LRRC4C: variants seen among roughly 807,000 people sequenced by gnomAD.
The protein encoded by LRRC4C is leucine rich repeat containing 4C, also known as leucine-rich repeat-containing protein 4C.
LRRC4C carries 5 observed loss-of-function variants against 33.6 expected under a neutral mutation model. That is an observed-to-expected ratio of 0.15 (90% CI 0.08 to 0.31). The LOEUF is 0.31. LRRC4C is among the 10% of genes least tolerant of loss of function. LRRC4C has a pLI of 1.00. For missense variants in LRRC4C, 560 were observed against 796.7 expected (o/e 0.70, Z 3.58); for synonymous variants, 329 against 302.0 (o/e 1.09, Z -0.93).
intron 1 of LRRC4C, among the ~76,000 whole-genome samples, chr11:41,010,814 ATCC>A (rs386752864): frequency 0.027 from 4,062 of 152,262 alleles, 45 homozygotes; most frequent in Middle Eastern, 0.044. Flanking sequence ...CTGTGCAGGA[ATCC>A]AGTGAACATA....
At chr11:41,111,245 C>T (rs921566723) in intron 1 of LRRC4C, among the ~76,000 whole-genome samples, 5 of 152,114 alleles carry the variant, frequency 3.3e-5, no homozygotes, top group African/African-American at 1.2e-4. Flanking sequence ...CCCCTACATA[C>T]TCTTTACAAC....
At chr11:40,664,156 T>A (rs1231607981) in intron 2 of LRRC4C, among the ~76,000 whole-genome samples, 1 of 152,214 alleles carries the variant, frequency 6.6e-6, no homozygotes, top group Non-Finnish European at 1.5e-5. Flanking sequence ...ATGAGTAGTG[T>A]ATAATTCAAC....
chr11:41,403,883 A>G (rs1226758784), intron 1 of LRRC4C, among the ~76,000 whole-genome samples: 4 of 152,098 alleles, frequency 2.6e-5, no homozygotes, highest in Non-Finnish European at 1.5e-5. Context: ...CTGTTCCTAC[A>G]GTGGAACTTG....
At chr11:40,526,900 A>T (rs2135275597) in intron 3 of LRRC4C, among the ~76,000 whole-genome samples, 1 of 152,296 alleles carries the variant, frequency 6.6e-6, no homozygotes, top group South Asian at 2.1e-4. Context: ...TGCAAGAATA[A>T]ACAGGTAGAT....
intron 3 of LRRC4C, among the ~76,000 whole-genome samples, chr11:40,339,480 T>C (rs549622712): frequency 6.6e-6 from 1 of 152,348 alleles, no homozygotes; most frequent in African/African-American, 2.4e-5. Context: ...GTGCACTATT[T>C]CAGAATATAA....
chr11:40,573,125 C>G (rs925634339), intron 3 of LRRC4C, among the ~76,000 whole-genome samples: 4 of 152,114 alleles, frequency 2.6e-5, no homozygotes, highest in African/African-American at 7.2e-5. Context: ...TAGCACTTTG[C>G]TACTTTTTAG....
chr11:41,366,088 T>C (rs565069485), intron 1 of LRRC4C, among the ~76,000 whole-genome samples: 1 of 152,224 alleles, frequency 6.6e-6, no homozygotes, highest in East Asian at 1.9e-4. Context: ...ATTTGTGCCT[T>C]CAAACTAGCT....
At chr11:40,665,367 TA>T (rs1340103979) in intron 2 of LRRC4C, among the ~76,000 whole-genome samples, 2 of 33,004 alleles carry the variant, frequency 6.1e-5, no homozygotes, top group Non-Finnish European at 8.1e-5. Context: ...TATATATGTA[TA>T]TATATATATA....
intron 1 of LRRC4C, among the ~76,000 whole-genome samples, chr11:40,996,370 T>C (rs1037845419): frequency 6.6e-6 from 1 of 151,920 alleles, no homozygotes; most frequent in African/African-American, 2.4e-5. Flanking sequence ...TTAAAAAAAA[T>C]AAAACTAATG....
chr11:41,272,308 G>T (rs868543425), intron 1 of LRRC4C, among the ~76,000 whole-genome samples: 4 of 152,166 alleles, frequency 2.6e-5, no homozygotes, highest in Middle Eastern at 3.4e-3. Flanking sequence ...TGGGGTGGGT[G>T]TTTGCTTTTC....
chr11:40,541,269 A>G (rs1239332480), intron 3 of LRRC4C, among the ~76,000 whole-genome samples: 1 of 151,802 alleles, frequency 6.6e-6, no homozygotes, highest in African/African-American at 2.4e-5. Flanking sequence ...ACAGCCTCAA[A>G]CTCCTGGGCT....
chr11:41,289,501 T>C (rs1949931855), intron 1 of LRRC4C, among the ~76,000 whole-genome samples: 1 of 152,160 alleles, frequency 6.6e-6, no homozygotes, highest in Non-Finnish European at 1.5e-5. Context: ...TGGATTCTAA[T>C]CTGATAGGGC....
At chr11:40,300,760 C>T (rs995088871) in intron 4 of LRRC4C, among the ~76,000 whole-genome samples, 2 of 152,140 alleles carry the variant, frequency 1.3e-5, no homozygotes, top group African/African-American at 4.8e-5. Flanking sequence ...AATGTAATAC[C>T]CAGCACTTGG....
At chr11:40,776,243 C>T (rs1218932397) in intron 2 of LRRC4C, among the ~76,000 whole-genome samples, 1 of 150,824 alleles carries the variant, frequency 6.6e-6, no homozygotes, top group Non-Finnish European at 1.5e-5. Flanking sequence ...TTCTTTTATC[C>T]TTGTGTCTTT....
chr11:40,788,628 C>T (rs1950506585), intron 2 of LRRC4C, among the ~76,000 whole-genome samples: 1 of 152,066 alleles, frequency 6.6e-6, no homozygotes, highest in African/African-American at 2.4e-5. Context: ...TGTTTCATGA[C>T]CAGTAAAGTC....
Position 40,169,644 on chromosome 11 carries a change from C to T in LRRC4C, c.-95-28791G>A, listed in dbSNP as rs184636754. ...ATGTTTATTGTTGGGAAAGACAAGG[C>T]ACATGCCTGTCAGTTGAGATTTCAT... is the stretch of plus-strand genomic sequence containing the variant. On this transcript the variant is annotated intron_variant, in intron 5 of 6. Transcript: ENST00000528697. Among the ~76,000 whole-genome samples, 12 of 152,226 alleles carry T rather than the reference C, an allele frequency of 7.9e-5. No homozygotes were observed. The East Asian group carries it at 2.1e-3, about 27-fold the overall frequency.
chr11:40,857,208 T>G (rs972612778), intron 2 of LRRC4C, among the ~76,000 whole-genome samples: 4 of 152,188 alleles, frequency 2.6e-5, no homozygotes, highest in South Asian at 2.1e-4. Context: ...TTTTAAAAAT[T>G]TAATTTCAAA....
At chr11:41,416,324 G>A (rs1039496831) in intron 1 of LRRC4C, among the ~76,000 whole-genome samples, 8 of 151,892 alleles carry the variant, frequency 5.3e-5, no homozygotes, top group African/African-American at 1.5e-4. Flanking sequence ...TATGTTGAGT[G>A]GTTCATCTAT....
intron 1 of LRRC4C, among the ~76,000 whole-genome samples, chr11:41,075,520 GCTC>G (rs887866677): frequency 2.0e-5 from 3 of 151,744 alleles, no homozygotes; most frequent in African/African-American, 4.8e-5. Context: ...TCCTGCAATT[GCTC>G]CTTTTTATTA....
Sources: gnomAD v4.1 joint callset for allele counts (sites outside exome capture counted in the v4.1 genomes callset) on GRCh38, gnomAD v4.1.1 for gene constraint, MANE v1.5 for transcripts, NCBI Gene and HGNC (gene_info 2026-07-23, HGNC 2026-07-21) for gene names.